TMEM164: variants seen among roughly 807,000 people sequenced by gnomAD.
TMEM164 encodes the protein RP13-360B22.2.
A neutral mutation model predicts 18.8 loss-of-function variants in TMEM164; 4 were observed. The ratio of observed to expected loss-of-function variants is 0.21; its 90% CI spans 0.10 to 0.49. The LOEUF (loss-of-function observed/expected upper bound fraction) is 0.49, where lower values mean the gene tolerates loss of function less well. Among genes scored for constraint, TMEM164 ranks in the 20% least tolerant of loss-of-function variants. The pLI is 0.98. For synonymous variants in TMEM164, 86 were observed against 101.7 expected (o/e 0.85, Z 0.93); for missense variants, 108 against 239.9 (o/e 0.45, Z 3.63).
chrX:110,156,078 T>C (rs2067012146), intron 5 of TMEM164, among the ~76,000 whole-genome samples: 1 of 111,782 alleles, frequency 8.9e-6, no homozygotes, highest in Non-Finnish European at 1.9e-5. Context: ...CTCATTACTT[T>C]ACTTTCTGAA....
chrX:110,069,498 G>A (rs1469850939), intron 3 of TMEM164, among the ~76,000 whole-genome samples: 3 of 106,052 alleles, frequency 2.8e-5, no homozygotes, highest in Admixed American at 1.0e-4. Flanking sequence ...AGACCTCTTT[G>A]TATATTTTAG....
chrX:110,149,546 C>T (rs977740971), intron 5 of TMEM164, among the ~76,000 whole-genome samples: 1 of 111,636 alleles, frequency 9.0e-6, no homozygotes, highest in African/African-American at 3.3e-5. Flanking sequence ...CATGTCTTCT[C>T]AAGTCTCCTT....
chrX:110,149,933 A>G (rs1444265346), intron 5 of TMEM164, among the ~76,000 whole-genome samples: 3 of 111,749 alleles, frequency 2.7e-5, no homozygotes, highest in Non-Finnish European at 3.8e-5. Context: ...ATATATTAAC[A>G]TATGCCTTCT....
chrX:110,123,028 A>C (rs1279246182), intron 4 of TMEM164, among the ~76,000 whole-genome samples: 1 of 112,203 alleles, frequency 8.9e-6, no homozygotes, highest in African/African-American at 3.2e-5. Context: ...TTTTCTTCTA[A>C]GAGTTTCATA....
At chrX:110,061,456 A>G in intron 2 of TMEM164, among the ~76,000 whole-genome samples, 2 of 112,140 alleles carry the variant, frequency 1.8e-5, no homozygotes. Flanking sequence ...CCATCTTCTT[A>G]GTAGGGATGA....
intron 5 of TMEM164, among the ~76,000 whole-genome samples, chrX:110,164,618 T>A (rs932228021): frequency 9.0e-6 from 1 of 111,380 alleles, no homozygotes; most frequent in Non-Finnish European, 1.9e-5. Context: ...GCTGGAAGGT[T>A]CATCTAGATG....
intron 3 of TMEM164, among the ~76,000 whole-genome samples, chrX:110,073,576 C>T (rs2065627912): frequency 9.0e-6 from 1 of 111,627 alleles, no homozygotes; most frequent in African/African-American, 3.3e-5. Flanking sequence ...AGATTGATTC[C>T]TTGTCTTTAC....
At chrX:110,144,954 T>C (rs1420370516) in intron 5 of TMEM164, 78 bp downstream of exon 5, 13 of 779,710 alleles carry the variant, frequency 1.7e-5, no homozygotes, top group Non-Finnish European at 2.3e-5. Flanking sequence ...CACAGCCTCT[T>C]GGGTGCTTCC....
At chrX:110,044,426 T>C (rs1461678759) in intron 2 of TMEM164, among the ~76,000 whole-genome samples, 1 of 103,813 alleles carries the variant, frequency 9.6e-6, no homozygotes, top group African/African-American at 3.5e-5. Flanking sequence ...ATCTGTCAGG[T>C]TTTTTTTTTG....
chrX:110,024,639 C>T (rs776201638), intron 2 of TMEM164, among the ~76,000 whole-genome samples: 6 of 111,628 alleles, frequency 5.4e-5, no homozygotes, highest in East Asian at 5.6e-4. Flanking sequence ...TGTTGGTAAA[C>T]GTTGAATAAA....
At chrX:110,155,862 C>T (rs1034154071) in intron 5 of TMEM164, among the ~76,000 whole-genome samples, 1 of 112,285 alleles carries the variant, frequency 8.9e-6, no homozygotes, top group Non-Finnish European at 1.9e-5. Flanking sequence ...CCTCATTTCT[C>T]ATTGCTTAGA....
At chrX:110,022,988 G>C (rs73250274) in intron 2 of TMEM164, among the ~76,000 whole-genome samples, 80 of 112,478 alleles carry the variant, frequency 7.1e-4, no homozygotes, top group Non-Finnish European at 9.8e-4. Context: ...GGTGTATATG[G>C]CCTTACCCTT....
At chrX:110,100,825 G>A (rs1451612416) in intron 3 of TMEM164, among the ~76,000 whole-genome samples, 3 of 110,593 alleles carry the variant, frequency 2.7e-5, no homozygotes, top group Non-Finnish European at 5.7e-5. Context: ...TCCTGACCTC[G>A]TGATCCGCCC....
intron 2 of TMEM164, among the ~76,000 whole-genome samples, chrX:110,060,265 T>C (rs1936051101): frequency 3.4e-5 from 1 of 29,747 alleles, no homozygotes; most frequent in African/African-American, 7.6e-5. Context: ...AGACCCTGTC[T>C]GAAAAAAAAA....
chrX:110,118,297 G>A (rs540895538), intron 4 of TMEM164, among the ~76,000 whole-genome samples: 1 of 111,855 alleles, frequency 8.9e-6, no homozygotes. Flanking sequence ...CCATAGTTTG[G>A]TTGGACTATA....
chrX:110,178,907 C>G (rs952430598), downstream of TMEM164, among the ~76,000 whole-genome samples: 4 of 112,337 alleles, frequency 3.6e-5, no homozygotes, highest in African/African-American at 1.3e-4. Flanking sequence ...CTCACATGCT[C>G]TCCACTCTCC....
intron 3 of TMEM164, among the ~76,000 whole-genome samples, chrX:110,094,475 G>A (rs2065982541): frequency 9.0e-6 from 1 of 111,627 alleles, no homozygotes; most frequent in South Asian, 3.8e-4. Context: ...TTGGTTTAAA[G>A]TCTGTTTTAT....
chrX:110,067,199 C>A, intron 2 of TMEM164, 148 bp from the exon 3 acceptor site: 1 of 522,292 alleles, frequency 1.9e-6, no homozygotes, highest in Non-Finnish European at 3.2e-6. Context: ...CATGCAAGCA[C>A]AAACATGTAC....
At position 110,054,115 on chromosome X, in the gene TMEM164, C is replaced by T. The variant is rs763144082; in HGVS notation, c.391-13232C>T. 3.9e-4 allele frequency among the ~76,000 whole-genome samples: 44 copies of T among 112,106 alleles called. No homozygotes were observed. In the South Asian group the frequency reaches 8.2e-3, roughly 21 times the overall value. On this transcript the variant is annotated intron_variant, in intron 2 of 6. Transcript: ENST00000372068. ...GTTCCAGGCCTGACTCTTTGACTCA[C>T]TTATTAGTTGTGCGACCTTAGGCAA...
Sources: allele counts gnomAD v4.1 joint callset (sites outside exome capture counted in the v4.1 genomes callset), GRCh38; gene constraint gnomAD v4.1.1; transcripts MANE v1.5; gene names NCBI Gene and HGNC (gene_info 2026-07-23, HGNC 2026-07-21).